Variants in VPS26B observed in about 807,000 individuals in gnomAD.
VPS26B encodes the protein VPS26 retromer complex component B, also known as vacuolar protein sorting-associated protein 26B.
In VPS26B, 10 loss-of-function variants were observed where a neutral mutation model predicts 33.3. The observed-to-expected ratio is 0.30, with a 90% CI of 0.19 to 0.51. The LOEUF is 0.51. Among genes scored for constraint, VPS26B ranks in the 20% least tolerant of loss-of-function variants. VPS26B has a pLI of 0.98. For missense variants in VPS26B, 317 were observed against 452.7 expected (o/e 0.70, Z 2.72); for synonymous variants, 190 against 176.9 (o/e 1.07, Z -0.59).
intron 1 of VPS26B, among the ~76,000 whole-genome samples, chr11:134,229,257 A>G (rs1158633870): frequency 6.6e-6 from 1 of 152,068 alleles, no homozygotes; most frequent in Non-Finnish European, 1.5e-5. Flanking sequence ...TCTGGAACTC[A>G]AGCGATCCTC....
chr11:134,229,027 T>G (rs1397618036), intron 1 of VPS26B, among the ~76,000 whole-genome samples: 1 of 152,124 alleles, frequency 6.6e-6, no homozygotes, highest in Non-Finnish European at 1.5e-5. Flanking sequence ...TTTTCTTTGT[T>G]TTTTATTTAA....
intron 1 of VPS26B, among the ~76,000 whole-genome samples, chr11:134,225,840 C>T (rs558474530): frequency 2.7e-3 from 406 of 152,280 alleles, no homozygotes; most frequent in Non-Finnish European, 3.9e-3. Flanking sequence ...CCGTTTTTCT[C>T]TTTAGATGTG....
chr11:134,230,926 C>A (rs1938547262), intron 1 of VPS26B, among the ~76,000 whole-genome samples: 1 of 152,190 alleles, frequency 6.6e-6, no homozygotes, highest in Non-Finnish European at 1.5e-5. Context: ...GTGAGGGCAT[C>A]TCTTGGGTCA....
intron 4 of VPS26B, chr11:134,243,947 C>T (rs1293680746): frequency 5.3e-5 from 8 of 152,226 alleles, no homozygotes; most frequent in East Asian, 3.8e-4. Flanking sequence ...TCAGGAATGG[C>T]GAAGACTCTT....
Position 134,247,640 on chromosome 11 carries a change from G to A in VPS26B, c.*2050G>A, listed in dbSNP as rs1269796168. On this transcript the variant is annotated 3_prime_UTR_variant, in exon 6 of 6. Coordinates refer to ENST00000281187, the MANE Select transcript of VPS26B (RefSeq NM_052875.5). ...GTGCATAGGTACTAAATCAAGCAGT[G>A]CAACTTGTAATTAAGCAGCTGCAGT... 2 of 153,170 alleles carry A rather than the reference G, an allele frequency of 1.3e-5. No homozygotes were observed. Among genetic ancestry groups the A allele is most frequent in the African/African-American group, 4.8e-5 (2 of 41,448 alleles). The allele number at this position is 153,170 out of a possible 1,614,324, so 9.5% of individuals were successfully genotyped here. A position where few individuals can be genotyped will look rare whatever the true frequency, so the allele number is the denominator to read the frequency against.
At chr11:134,225,404 G>A (rs764038355) in intron 1 of VPS26B, 59 bp downstream of exon 1, 16 of 1,549,334 alleles carry the variant, frequency 1.0e-5, no homozygotes, top group African/African-American at 2.7e-5. Context: ...GGAGCAGGGT[G>A]ATTCAGGGCC....
At chr11:134,239,561 A>G in intron 2 of VPS26B, 1 of 184,190 alleles carries the variant, frequency 5.4e-6, no homozygotes, top group Non-Finnish European at 1.2e-5. Context: ...ATGCAAAGAT[A>G]AAACTACGAG....
chr11:134,238,134 C>T (rs142986869), intron 2 of VPS26B, among the ~76,000 whole-genome samples: 78 of 152,270 alleles, frequency 5.1e-4, no homozygotes, highest in African/African-American at 1.8e-3. Flanking sequence ...CCTTTCCAGA[C>T]AATCACATAT....
rs1394664774 is a variant in VPS26B at position 134,245,430 on chromosome 11, T to C, written c.865-14T>C. On this transcript the variant is annotated splice_polypyrimidine_tract_variant and intron_variant, in intron 5 of 5. Transcript: ENST00000281187. The surrounding 1 kb of genome is among the most constrained non-coding windows in gnomAD (Gnocchi z 4.7). The stretch of plus-strand genomic sequence containing the variant: ...CCTCTAAGGTGTCACATTGCCCCCC[T>C]TTCAATTCTGCAGGAAGTGGTGTTG... The C allele has an allele frequency of 6.2e-7, 1 of 1,613,738 alleles. No individual in the cohort carries two copies. Among genetic ancestry groups the C allele is most frequent in the African/African-American group, 1.3e-5 (1 of 74,924 alleles).
At chr11:134,225,983 C>G (rs1938458892) in intron 1 of VPS26B, among the ~76,000 whole-genome samples, 1 of 152,152 alleles carries the variant, frequency 6.6e-6, no homozygotes, top group African/African-American at 2.4e-5. Flanking sequence ...TCTTAGACTT[C>G]TTTATTAGAA....
rs1180062007 is a variant in VPS26B, at chr11:134,247,730, A to T, written c.*2140A>T. 5 of 154,742 alleles carry T rather than the reference A, an allele frequency of 3.2e-5. No homozygotes were observed. The highest frequency in any genetic ancestry group is 7.2e-5 in the Non-Finnish European group (5 of 69,482). The allele number at this position is 154,742 out of a possible 1,614,324, so 9.6% of individuals were successfully genotyped here. A position where few individuals can be genotyped will look rare whatever the true frequency, so the allele number is the denominator to read the frequency against. On this transcript the variant is annotated 3_prime_UTR_variant, in exon 6 of 6. Transcript: ENST00000281187. ...TATTAAAAGAAGAACGTTTGTTTTA[A>T]TGGTCTTTCTGATTAAAGAAAGCCC... is the stretch of plus-strand genomic sequence containing the variant.
chr11:134,228,750 C>T (rs919000813), intron 1 of VPS26B, among the ~76,000 whole-genome samples: 5 of 152,192 alleles, frequency 3.3e-5, no homozygotes, highest in African/African-American at 9.7e-5. Flanking sequence ...GTAAACTGAG[C>T]TTGGGGCACC....
At position 134,245,908 on chromosome 11, in the gene VPS26B, G is replaced by A. The variant is rs906682525; in HGVS notation, c.*318G>A. 9 of 307,954 alleles carry A rather than the reference G, an allele frequency of 2.9e-5. No homozygotes were observed. The highest frequency in any genetic ancestry group is 6.0e-5 in the East Asian group (1 of 16,646). The allele number at this position is 307,954 out of a possible 1,614,324, so 19.1% of individuals were successfully genotyped here. A position where few individuals can be genotyped will look rare whatever the true frequency, so the allele number is the denominator to read the frequency against. On this transcript the variant is annotated 3_prime_UTR_variant, in exon 6 of 6. Transcript: ENST00000281187. This position sits in a 1 kb window ranked among gnomAD's most constrained non-coding sequence, Gnocchi z 4.7. Reference sequence around the variant, plus strand: ...TTAGAGGAGGGAGAGCAGAGAGCACGCATCCTTGGCTCCTGGCTCTCTGAG... The same window carrying A: ...TTAGAGGAGGGAGAGCAGAGAGCACACATCCTTGGCTCCTGGCTCTCTGAG...
chr11:134,231,007 C>G (rs1377766711), intron 1 of VPS26B, among the ~76,000 whole-genome samples: 1 of 152,172 alleles, frequency 6.6e-6, no homozygotes, highest in Non-Finnish European at 1.5e-5. Flanking sequence ...ATGCAGTAGT[C>G]TGTAAGGAGC....
At chr11:134,232,132 A>G (rs1938563513) in intron 1 of VPS26B, among the ~76,000 whole-genome samples, 2 of 152,252 alleles carry the variant, frequency 1.3e-5, no homozygotes, top group African/African-American at 4.8e-5. Context: ...TACCTTAACC[A>G]AAAACTTACT....
rs763879787 is a variant in VPS26B, at chr11:134,245,106, C to T, written c.864+26C>T. On this transcript the variant is annotated intron_variant, in intron 5 of 5. Coordinates refer to ENST00000281187, the MANE Select transcript of VPS26B (RefSeq NM_052875.5). The surrounding 1 kb of genome is among the most constrained non-coding windows in gnomAD (Gnocchi z 4.7). ...GTGAGGGCCAGGCTCCTCCAGGCCC[C>T]GATGCCCTTGGGACAGAACAGGAGG... The T allele has an allele frequency of 2.4e-5, 38 of 1,612,630 alleles. No individual in the cohort carries two copies. The East Asian group carries it at 4.0e-4, about 17-fold the overall frequency.
Position 134,245,408 on chromosome 11 carries a change from C to T in VPS26B, c.865-36C>T, listed in dbSNP as rs1025621281. The T allele has an allele frequency of 2.5e-6, 4 of 1,612,866 alleles. No individual in the cohort carries two copies. The highest frequency in any genetic ancestry group is 4.5e-5 in the East Asian group (2 of 44,832). ...AGGAAACCTGTCCCCATGCCTCCCT[C>T]TAAGGTGTCACATTGCCCCCCTTTC... is the stretch of plus-strand genomic sequence containing the variant. On this transcript the variant is annotated intron_variant, in intron 5 of 5. Transcript: ENST00000281187. The surrounding 1 kb of genome is among the most constrained non-coding windows in gnomAD (Gnocchi z 4.7).
At chr11:134,237,130 G>A (rs918143757) in intron 2 of VPS26B, among the ~76,000 whole-genome samples, 2 of 152,136 alleles carry the variant, frequency 1.3e-5, no homozygotes, top group Non-Finnish European at 2.9e-5. Flanking sequence ...ACAGGCAGAG[G>A]GAAAACATGA....
chr11:134,243,215 G>C lies in VPS26B; in HGVS notation c.642G>C (p.Thr214=), dbSNP rs745990375. Residue 214 remains threonine, a synonymous_variant, in exon 4 of 6, where the codon ACG becomes ACC. Coordinates refer to ENST00000281187, the MANE Select transcript of VPS26B (RefSeq NM_052875.5). The part of the protein sequence containing the change: ...HMEIDIIKRE[T]TGTGPNVYHE... The stretch of plus-strand genomic sequence containing the variant: ...AGATAGACATCATCAAGCGAGAAAC[G>C]ACGGGTACAGGCCCCAACGTGTACC... 5.6e-6 allele frequency: 9 copies of C among 1,614,162 alleles called. No homozygotes were observed. Among genetic ancestry groups the C allele is most frequent in the Non-Finnish European group, 7.6e-6 (9 of 1,180,024 alleles).
Sources: gnomAD v4.1 joint callset for allele counts (sites outside exome capture counted in the v4.1 genomes callset) on GRCh38, gnomAD v4.1.1 for gene constraint, Gnocchi (gnomAD v3.1) non-coding constraint, MANE v1.5 for transcripts, NCBI Gene and HGNC (gene_info 2026-07-23, HGNC 2026-07-21) for gene names.